The following SREBF2 variants were observed in gnomAD, a reference collection of about 807,000 sequenced individuals.
The protein encoded by SREBF2 is sterol regulatory element-binding protein 2.
A neutral mutation model predicts 113.1 loss-of-function variants in SREBF2; 55 were observed. That is an observed-to-expected ratio of 0.49 (90% CI 0.39 to 0.61). The LOEUF (loss-of-function observed/expected upper bound fraction) is 0.61, where lower values mean the gene tolerates loss of function less well. Among genes scored for constraint, SREBF2 ranks in the 20% least tolerant of loss-of-function variants. The probability of loss-of-function intolerance (pLI) is 0.00; values close to 1 mark genes in which losing one functional copy is unlikely to be tolerated. For synonymous variants in SREBF2, 593 were observed against 605.7 expected, an observed-to-expected ratio of 0.98 and a Z score of 0.31; for missense variants, 1,349 against 1,487.4, an observed-to-expected ratio of 0.91 and a Z score of 1.53.
Position 41,900,054 on chromosome 22 carries a change from C to T in SREBF2, c.2739-276C>T. ...CTGAGGCACACGTTGGAATGACTAT[C>T]TTGGGTGGCTTCTTAGCAGCAGACG... On this transcript the variant is annotated intron_variant, in intron 15 of 18. Coordinates refer to ENST00000361204, the MANE Select transcript of SREBF2 (RefSeq NM_004599.4). The T allele has an allele frequency of 2.9e-6, 4 of 1,373,120 alleles. No individual in the cohort carries two copies. In the East Asian group the frequency reaches 8.9e-5, roughly 31 times the overall value. The allele number at this position is 1,373,120 out of a possible 1,614,324, so 85.1% of individuals were successfully genotyped here.
At chr22:41,864,285 A>C (rs1293670443) in intron 1 of SREBF2, among the ~76,000 whole-genome samples, 6 of 111,232 alleles carry the variant, frequency 5.4e-5, no homozygotes, top group Non-Finnish European at 9.3e-5. Context: ...CACACACACA[A>C]AATATCAAAA....
chr22:41,855,132 TAATG>T (rs1310754784), intron 1 of SREBF2, among the ~76,000 whole-genome samples: 1 of 152,066 alleles, frequency 6.6e-6, no homozygotes, highest in Non-Finnish European at 1.5e-5. Context: ...TTAACATTGT[TAATG>T]AAGATAACAG....
chr22:41,884,841 G>A lies in SREBF2; in HGVS notation c.2039-1G>A. The A allele has an allele frequency of 6.2e-7, 1 of 1,614,008 alleles. No homozygotes were observed. The highest frequency in any genetic ancestry group is 8.5e-7 in the Non-Finnish European group (1 of 1,179,956). ...ATAGTGTCTGTTTCTGCCCACCCTAGGGAAGCTTCCTGCAGGATCCGCCTG... is the reference window on the plus strand; with the variant it reads ...ATAGTGTCTGTTTCTGCCCACCCTAAGGAAGCTTCCTGCAGGATCCGCCTG... On this transcript the variant is annotated splice_acceptor_variant, in intron 10 of 18. Transcript: ENST00000361204. LOFTEE classifies it high-confidence loss of function.
At chr22:41,878,686 A>G (rs1602320038) in intron 9 of SREBF2, 1 of 1,304,306 alleles carries the variant, frequency 7.7e-7, no homozygotes, top group Non-Finnish European at 1.0e-6. Flanking sequence ...ATCTGGGGCA[A>G]CTCACAGCAT....
chr22:41,874,050 T>C, intron 5 of SREBF2, 31 bp downstream of exon 5: 1 of 1,611,768 alleles, frequency 6.2e-7, no homozygotes, highest in Non-Finnish European at 8.5e-7. Flanking sequence ...TGTTTTATGT[T>C]CCACCATCTC....
chr22:41,871,217 T>C (rs1602309641), intron 4 of SREBF2, among the ~76,000 whole-genome samples, 182 bp downstream of exon 4: 1 of 152,206 alleles, frequency 6.6e-6, no homozygotes, highest in Admixed American at 6.5e-5. Flanking sequence ...TAGCAATGTG[T>C]GTTCGATGTG....
Position 41,878,115 on chromosome 22 carries a change from C to A in SREBF2, c.1753C>A (p.Leu585Ile). 3 of 1,614,088 alleles carry A rather than the reference C, an allele frequency of 1.9e-6. No homozygotes were observed. The highest frequency in any genetic ancestry group is 2.5e-6 in the Non-Finnish European group (3 of 1,180,036). ...GCACCGGAAACAGGCAGATCTGGAT[C>A]TCGCCAGAGTGAGTTCTGTGTCCGC... is the stretch of plus-strand genomic sequence containing the variant. The part of the protein sequence containing the change: ...WRHRKQADLD[L>I]ARGDFAAAAG... The change falls in exon 9 of 19, where the codon CTC becomes ATC. Residue 585 changes from leucine to isoleucine, a missense_variant. By Grantham distance (5) the Leu-to-Ile change is conservative. Transcript: ENST00000361204.
At chr22:41,853,412 A>C (rs992727500) in intron 1 of SREBF2, among the ~76,000 whole-genome samples, 1 of 152,158 alleles carries the variant, frequency 6.6e-6, no homozygotes. Flanking sequence ...TCAGGGAACT[A>C]TTGACTTGCT....
At chr22:41,856,484 T>G (rs2076978989) in intron 1 of SREBF2, among the ~76,000 whole-genome samples, 1 of 152,194 alleles carries the variant, frequency 6.6e-6, no homozygotes, top group Non-Finnish European at 1.5e-5. Flanking sequence ...AAAAGATGAC[T>G]AGATCATCTG....
intron 1 of SREBF2, among the ~76,000 whole-genome samples, chr22:41,853,816 A>T (rs2076953208): frequency 6.6e-6 from 1 of 152,218 alleles, no homozygotes; most frequent in African/African-American, 2.4e-5. Context: ...CAGGTGGATC[A>T]CAAGGTCAGG....
chr22:41,892,106 T>C (rs1462761604), intron 11 of SREBF2, among the ~76,000 whole-genome samples: 1 of 151,976 alleles, frequency 6.6e-6, no homozygotes, highest in African/African-American at 2.4e-5. Context: ...GGGGTTTCTG[T>C]AGGGGGCCGC....
chr22:41,851,444 G>A lies in SREBF2; in HGVS notation c.89-15387G>A, dbSNP rs974232309. Among the ~76,000 whole-genome samples, 7 of 151,840 alleles carry A rather than the reference G, an allele frequency of 4.6e-5. 1 individual carries two copies. The highest frequency in any genetic ancestry group is 4.6e-4 in the Admixed American group (7 of 15,244). Reference sequence around the variant, plus strand: ...GGATCACTTGAGTCCAGGAATTTGAGACTCTCCTGGGCAACATAGTAAGGC... The same window carrying A: ...GGATCACTTGAGTCCAGGAATTTGAAACTCTCCTGGGCAACATAGTAAGGC... On this transcript the variant is annotated intron_variant, in intron 1 of 18. Coordinates refer to ENST00000361204, the MANE Select transcript of SREBF2 (RefSeq NM_004599.4).
Position 41,893,137 on chromosome 22 carries a change from C to T in SREBF2, c.2229C>T (p.Ala743=). ...GFLASYFLSR[A]QSLCGPEHSA... is the part of the protein sequence containing the mutation. ...CACAGAGCTACTTCCTCAGCCGAGCCCAGAGCCTGTGTGGCCCCGAGCACA... is the reference window on the plus strand; with the variant it reads ...CACAGAGCTACTTCCTCAGCCGAGCTCAGAGCCTGTGTGGCCCCGAGCACA... The change falls in exon 12 of 19, where the codon GCC becomes GCT. Residue 743 remains alanine (A), a synonymous_variant. Transcript: ENST00000361204. 1 of 1,613,930 alleles carries T rather than the reference C, an allele frequency of 6.2e-7. No individual in the cohort carries two copies. Among genetic ancestry groups the T allele is most frequent in the Non-Finnish European group, 8.5e-7 (1 of 1,180,034 alleles).
At chr22:41,862,455 G>C (rs893161888) in intron 1 of SREBF2, among the ~76,000 whole-genome samples, 1 of 152,208 alleles carries the variant, frequency 6.6e-6, no homozygotes, top group Non-Finnish European at 1.5e-5. Context: ...AGCCTAGCTC[G>C]TGGGAGGCCT....
chr22:41,864,213 C>T (rs776541430), intron 1 of SREBF2, among the ~76,000 whole-genome samples: 74 of 95,654 alleles, frequency 7.7e-4, no homozygotes, highest in South Asian at 1.6e-3. Context: ...TTTTCCTATC[C>T]TTCTGCAAGC....
In SREBF2 at chr22:41,900,468, T is replaced by G. The variant is rs775941311; in HGVS notation, c.2877T>G (p.Ser959Arg). 2.5e-6 allele frequency: 4 copies of G among 1,613,774 alleles called. No individual in the cohort carries two copies. The highest frequency in any genetic ancestry group is 3.4e-6 in the Non-Finnish European group (4 of 1,180,010). Residue 959 changes from serine (S) to arginine (R), a missense_variant, in exon 16 of 19, where the codon AGT (serine) becomes AGG (arginine). By Grantham distance (110) the Ser-to-Arg change is moderately radical. Around this residue, in one of 2 missense-constraint regions of SREBF2, gnomAD observed 650 missense variants for 644.1 expected, o/e 1.01. Transcript: ENST00000361204. ...SGHLWSSLNV[S>R]GATSDPALNH... ...ACCTATGGAGCAGCCTCAACGTCAG[T>G]GGGGCCACCTCTGACCCTGCCCTCA...
At chr22:41,841,111 C>T (rs2076826536) in intron 1 of SREBF2, among the ~76,000 whole-genome samples, 1 of 152,192 alleles carries the variant, frequency 6.6e-6, no homozygotes. Context: ...GAGTGGCCAA[C>T]TGGCTGAGCT....
intron 11 of SREBF2, among the ~76,000 whole-genome samples, chr22:41,887,545 TTA>T (rs2077311005): frequency 9.2e-5 from 14 of 152,310 alleles, no homozygotes; most frequent in African/African-American, 3.4e-4. Flanking sequence ...GTAAGAATCA[TTA>T]TGTTGTTATG....
intron 1 of SREBF2, among the ~76,000 whole-genome samples, chr22:41,856,502 A>G (rs2076979222): frequency 6.6e-6 from 1 of 152,220 alleles, no homozygotes; most frequent in Non-Finnish European, 1.5e-5. Flanking sequence ...CTGAGGTGGA[A>G]AAGAGTCCCT....
Sources: gnomAD v4.1 joint callset for allele counts (sites outside exome capture counted in the v4.1 genomes callset) on GRCh38, gnomAD v4.1.1 for gene constraint, gnomAD v4.1.1 regional missense constraint, MANE v1.5 for transcripts, NCBI Gene and HGNC (gene_info 2026-07-23, HGNC 2026-07-21) for gene names.